MVB12B: variants seen among roughly 807,000 people sequenced by gnomAD.
MVB12B encodes multivesicular body subunit 12B.
MVB12B carries 16 observed loss-of-function variants against 41.6 expected under a neutral mutation model. That is an observed-to-expected ratio of 0.38 (90% CI 0.26 to 0.58). The LOEUF is 0.58. Ranked by LOEUF, MVB12B falls within the 20% of genes least tolerant of loss-of-function variation. MVB12B has a pLI of 0.62. For missense variants in MVB12B, 274 were observed against 380.2 expected, an observed-to-expected ratio of 0.72 and a Z score of 2.32; for synonymous variants, 133 against 139.7, an observed-to-expected ratio of 0.95 and a Z score of 0.34.
intron 1 of MVB12B, chr9:126,327,218 G>A (rs919728343): frequency 3.1e-6 from 3 of 983,456 alleles, no homozygotes; most frequent in African/African-American, 1.8e-5. Flanking sequence ...GGCTGCCGGT[G>A]CCCGGGCTCG....
intron 9 of MVB12B, among the ~76,000 whole-genome samples, chr9:126,488,925 G>A (rs551093709): frequency 4.3e-4 from 66 of 152,350 alleles, no homozygotes; most frequent in African/African-American, 1.6e-3. Flanking sequence ...GAGCATGGAG[G>A]TTAGGGACAT....
intron 6 of MVB12B, among the ~76,000 whole-genome samples, chr9:126,418,344 G>T (rs1831887856): frequency 6.6e-6 from 1 of 152,122 alleles, no homozygotes; most frequent in South Asian, 2.1e-4. Flanking sequence ...TTTCTCTGTT[G>T]TTCATATACT....
intron 7 of MVB12B, among the ~76,000 whole-genome samples, chr9:126,440,886 A>G (rs1416889360): frequency 6.6e-6 from 1 of 152,266 alleles, no homozygotes; most frequent in Non-Finnish European, 1.5e-5. Context: ...TTTGAAAGCC[A>G]TAACTAGCTA....
At chr9:126,370,527 G>A (rs572564537) in intron 2 of MVB12B, among the ~76,000 whole-genome samples, 10 of 151,682 alleles carry the variant, frequency 6.6e-5, no homozygotes, top group Admixed American at 2.0e-4. Flanking sequence ...GATTGCAGGC[G>A]CCCACCACCA....
intron 7 of MVB12B, among the ~76,000 whole-genome samples, chr9:126,441,257 G>A (rs930410232): frequency 6.6e-6 from 1 of 152,174 alleles, no homozygotes; most frequent in Admixed American, 6.5e-5. Context: ...AGGCTTGAAG[G>A]CGAAACAAAA....
chr9:126,378,819 G>A (rs188753627), intron 2 of MVB12B, among the ~76,000 whole-genome samples: 108 of 152,254 alleles, frequency 7.1e-4, no homozygotes, highest in African/African-American at 2.3e-3. Flanking sequence ...ACAGTGAAGC[G>A]TGGGCTCAAA....
At chr9:126,412,184 G>A (rs895716715) in intron 6 of MVB12B, among the ~76,000 whole-genome samples, 1 of 152,218 alleles carries the variant, frequency 6.6e-6, no homozygotes, top group South Asian at 2.1e-4. Flanking sequence ...TGTGACTCCC[G>A]CACCCTGCTT....
chr9:126,453,399 C>T (rs1263505927), intron 7 of MVB12B, among the ~76,000 whole-genome samples: 1 of 152,174 alleles, frequency 6.6e-6, no homozygotes, highest in Non-Finnish European at 1.5e-5. Flanking sequence ...AAGGGACTCC[C>T]AGAGCTCAGG....
intron 7 of MVB12B, among the ~76,000 whole-genome samples, chr9:126,477,599 C>T (rs1564345234): frequency 1.3e-5 from 2 of 152,080 alleles, no homozygotes; most frequent in Admixed American, 6.5e-5. Context: ...GGGGAAACTC[C>T]CCTTTATAAA....
intron 2 of MVB12B, among the ~76,000 whole-genome samples, chr9:126,344,282 T>C (rs913222299): frequency 6.6e-6 from 1 of 152,050 alleles, no homozygotes; most frequent in Non-Finnish European, 1.5e-5. Flanking sequence ...AAAGATGAAA[T>C]TGGGGGTAAG....
chr9:126,417,109 G>C (rs1246502757), intron 6 of MVB12B, among the ~76,000 whole-genome samples: 2 of 152,298 alleles, frequency 1.3e-5, no homozygotes. Flanking sequence ...AGAAATGCAG[G>C]GGAAGCTATT....
chr9:126,422,289 A>G (rs887422808), intron 7 of MVB12B, among the ~76,000 whole-genome samples: 2 of 152,148 alleles, frequency 1.3e-5, no homozygotes, highest in Non-Finnish European at 2.9e-5. Flanking sequence ...CGCCGAGCTG[A>G]GCCCTGGTCG....
rs1356760623 is a variant in MVB12B at position 126,392,401 on chromosome 9, C to G, written c.539+206C>G. On this transcript the variant is annotated intron_variant, in intron 5 of 9. Coordinates refer to ENST00000361171, the MANE Select transcript of MVB12B (RefSeq NM_033446.3). This position sits in a 1 kb window ranked among gnomAD's most constrained non-coding sequence, Gnocchi z 4.8. ...CGCACTGCTGACTCCACCTTAGGGC[C>G]TTTCCTCCCCTGCCCTTCTGCGCAT... Among the ~76,000 whole-genome samples, 1 of 152,246 alleles carries G rather than the reference C, an allele frequency of 6.6e-6. No individual in the cohort carries two copies. Among genetic ancestry groups the G allele is most frequent in the East Asian group, 1.9e-4 (1 of 5,196 alleles).
At chr9:126,383,201 A>C (rs759549279) in intron 3 of MVB12B, among the ~76,000 whole-genome samples, 14 of 152,122 alleles carry the variant, frequency 9.2e-5, no homozygotes, top group Non-Finnish European at 1.6e-4. Flanking sequence ...GCAGACCATC[A>C]TTTTTTACAA....
chr9:126,335,642 G>A (rs1829252248), intron 1 of MVB12B, among the ~76,000 whole-genome samples: 1 of 152,232 alleles, frequency 6.6e-6, no homozygotes, highest in African/African-American at 2.4e-5. Context: ...CCCTTTCTAT[G>A]AAGGCCGGAG....
intron 7 of MVB12B, among the ~76,000 whole-genome samples, chr9:126,443,845 C>T (rs1390880192): frequency 6.6e-6 from 1 of 152,248 alleles, no homozygotes; most frequent in East Asian, 1.9e-4. Flanking sequence ...GCCAGGAGTC[C>T]CATAAGTTCA....
intron 9 of MVB12B, among the ~76,000 whole-genome samples, chr9:126,489,014 A>G (rs749680942): frequency 2.6e-5 from 4 of 152,186 alleles, no homozygotes; most frequent in Non-Finnish European, 4.4e-5. Context: ...GGCCTGGCCT[A>G]GGAGCTGCCC....
chr9:126,340,587 G>A lies in MVB12B; in HGVS notation c.161G>A (p.Gly54Glu). ...TCAATGGATCCCATCACGGGAGTCG[G>A]GGTGGTGGCTTCTCGGAACCGAGCC... ...ETSMDPITGV[G>E]VVASRNRAPT... The change falls in exon 2 of 10, where the codon GGG (glycine) becomes GAG (glutamate). Residue 54 changes from glycine (G) to glutamate (E), a missense_variant. Physicochemically the swap from Gly to Glu is moderately conservative, Grantham distance 98 (BLOSUM62 -2). Coordinates refer to ENST00000361171, the MANE Select transcript of MVB12B (RefSeq NM_033446.3). The surrounding 1 kb of genome is among the most constrained non-coding windows in gnomAD (Gnocchi z 4.0). 6.2e-7 allele frequency: 1 copy of A among 1,614,212 alleles called. No homozygotes were observed. The highest frequency in any genetic ancestry group is 1.3e-5 in the African/African-American group (1 of 75,070).
intron 2 of MVB12B, among the ~76,000 whole-genome samples, chr9:126,366,017 TC>T (rs1184281049): frequency 1.3e-5 from 2 of 152,144 alleles, no homozygotes; most frequent in Non-Finnish European, 2.9e-5. Context: ...TTCCACATCT[TC>T]CTGCCTGGCT....
Sources: allele counts gnomAD v4.1 joint callset (sites outside exome capture counted in the v4.1 genomes callset), GRCh38; gene constraint gnomAD v4.1.1; non-coding constraint Gnocchi (gnomAD v3.1); transcripts MANE v1.5; gene names NCBI Gene and HGNC (gene_info 2026-07-23, HGNC 2026-07-21).